ACTR3C: variants seen among roughly 807,000 people sequenced by gnomAD.
ACTR3C encodes the protein actin-related protein 3C.
Under a neutral mutation model 26.3 loss-of-function variants are expected in ACTR3C, and 18 were observed. The ratio of observed to expected loss-of-function variants is 0.68; its 90% confidence interval spans 0.47 to 1.01. The LOEUF (loss-of-function observed/expected upper bound fraction) is 1.01, where lower values mean the gene tolerates loss of function less well. ACTR3C is among the 50% of genes least tolerant of loss of function. The pLI, the probability that ACTR3C is intolerant of heterozygous loss-of-function variation, is 0.00. For synonymous variants in ACTR3C, 55 were observed against 94.5 expected (o/e 0.58, Z 2.42); for missense variants, 184 against 250.7 (o/e 0.73, Z 1.80).
chr7:150,278,327 G>C (rs1450955966), intron 6 of ACTR3C, among the ~76,000 whole-genome samples: 1 of 152,230 alleles, frequency 6.6e-6, no homozygotes, highest in Non-Finnish European at 1.5e-5. Flanking sequence ...AAAAGTTAAA[G>C]TTTAAAAGGC....
At chr7:150,073,169 C>T in the ACTR3C span, among the ~76,000 whole-genome samples, 3 of 152,160 alleles carry the variant, frequency 2.0e-5, no homozygotes, top group Non-Finnish European at 4.4e-5. Flanking sequence ...AGCAGAGACA[C>T]TTCAGAGAGA....
intron 6 of ACTR3C, among the ~76,000 whole-genome samples, chr7:150,281,218 A>C (rs548123610): frequency 6.6e-6 from 1 of 152,130 alleles, no homozygotes; most frequent in Non-Finnish European, 1.5e-5. Context: ...CCTAAGACAC[A>C]GGAATGCGCG....
the ACTR3C span, among the ~76,000 whole-genome samples, chr7:149,909,020 G>T: frequency 6.6e-6 from 1 of 151,586 alleles, no homozygotes; most frequent in Non-Finnish European, 1.5e-5. Context: ...GACCTCAGCT[G>T]ATCCACCCGC....
chr7:150,222,239 C>A, the ACTR3C span, among the ~76,000 whole-genome samples: 1 of 152,256 alleles, frequency 6.6e-6, no homozygotes, highest in African/African-American at 2.4e-5. Flanking sequence ...TGGAGATCAG[C>A]GTAATGCAGA....
chr7:150,264,546 G>A, intron 6 of ACTR3C: 1 of 948,738 alleles, frequency 1.1e-6, no homozygotes, highest in Non-Finnish European at 1.3e-6. Context: ...TAACTGAGGG[G>A]TGCTCTGAGT....
intron 6 of ACTR3C, among the ~76,000 whole-genome samples, chr7:150,279,821 T>C (rs905571349): frequency 2.6e-5 from 4 of 152,234 alleles, no homozygotes; most frequent in Non-Finnish European, 5.9e-5. Context: ...TGATTCACTT[T>C]AATGACATTT....
At chr7:150,146,229 C>T in the ACTR3C span, among the ~76,000 whole-genome samples, 1 of 151,386 alleles carries the variant, frequency 6.6e-6, no homozygotes, top group Admixed American at 6.6e-5. Flanking sequence ...CCAACATGAC[C>T]CCTATTCTCT....
chr7:150,290,469 AC>A (rs1482480910), intron 3 of ACTR3C, among the ~76,000 whole-genome samples: 1 of 152,160 alleles, frequency 6.6e-6, no homozygotes, highest in Non-Finnish European at 1.5e-5. Flanking sequence ...GACAACGCCC[AC>A]CGCTGGATCA....
the ACTR3C span, among the ~76,000 whole-genome samples, chr7:150,109,940 C>G: frequency 2.0e-5 from 3 of 146,404 alleles, no homozygotes; most frequent in Admixed American, 6.7e-5. Flanking sequence ...TTCCCTGAGG[C>G]CCCCACACTA....
At chr7:150,152,148 C>T in the ACTR3C span, among the ~76,000 whole-genome samples, 4 of 152,264 alleles carry the variant, frequency 2.6e-5, no homozygotes, top group South Asian at 8.3e-4. Flanking sequence ...TCCTGCCTAA[C>T]TGCCCTGGCC....
chr7:149,984,253 GAGTGC>G, the ACTR3C span, among the ~76,000 whole-genome samples: 1 of 151,748 alleles, frequency 6.6e-6, no homozygotes, highest in Non-Finnish European at 1.5e-5. Context: ...GCCCAGGCAG[GAGTGC>G]AGCAGCATAA....
intron 1 of ACTR3C, among the ~76,000 whole-genome samples, chr7:150,298,036 TCA>T (rs1299115494): frequency 3.3e-5 from 5 of 151,376 alleles, no homozygotes; most frequent in Non-Finnish European, 5.9e-5. Context: ...TGATAAAGTA[TCA>T]GAGGCATTAG....
At chr7:150,029,129 G>T in the ACTR3C span, among the ~76,000 whole-genome samples, 1 of 151,890 alleles carries the variant, frequency 6.6e-6, no homozygotes, top group Non-Finnish European at 1.5e-5. Context: ...GTGTCAAGCC[G>T]ATGCCTCCTC....
At chr7:149,969,269 C>CTGTGTGTGTGTGTG in the ACTR3C span, among the ~76,000 whole-genome samples, 62 of 141,540 alleles carry the variant, frequency 4.4e-4, 2 homozygotes, top group African/African-American at 1.6e-3. Context: ...TCAGAAAGAG[C>CTGTGTGTGTGTGTG]TGTGTGTGTG....
the ACTR3C span, among the ~76,000 whole-genome samples, chr7:150,178,280 C>T: frequency 8.0e-6 from 1 of 125,084 alleles, no homozygotes; most frequent in African/African-American, 3.2e-5. Context: ...AACAGGAATA[C>T]TTTTTTTTTT....
chr7:150,047,843 C>T, the ACTR3C span: 15 of 1,511,496 alleles, frequency 9.9e-6, no homozygotes, highest in Admixed American at 4.0e-5. Context: ...ACCTCTGGTA[C>T]AGCGAAGCCA....
chr7:150,037,161 C>G, the ACTR3C span, among the ~76,000 whole-genome samples: 3 of 36,292 alleles, frequency 8.3e-5, 1 homozygote, highest in Non-Finnish European at 1.7e-4. Flanking sequence ...TGCCTCCCCC[C>G]CTGTGATGGG....
chr7:149,943,750 C>T, the ACTR3C span, among the ~76,000 whole-genome samples: 5 of 150,192 alleles, frequency 3.3e-5, no homozygotes, highest in South Asian at 4.2e-4. Flanking sequence ...CTTGTATAAG[C>T]GGCAGGGAGT....
the ACTR3C span, among the ~76,000 whole-genome samples, chr7:150,033,201 C>G: frequency 6.6e-6 from 1 of 152,110 alleles, no homozygotes; most frequent in Non-Finnish European, 1.5e-5. Flanking sequence ...TTGAACAACT[C>G]GGTGGGTTTT....
Sources: allele counts gnomAD v4.1 joint callset (sites outside exome capture counted in the v4.1 genomes callset), GRCh38; gene constraint gnomAD v4.1.1; transcripts MANE v1.5; gene names NCBI Gene and HGNC (gene_info 2026-07-23, HGNC 2026-07-21).